LAMA2: variants seen among roughly 807,000 people sequenced by gnomAD.
LAMA2 encodes laminin subunit alpha 2, also known as laminin subunit alpha-2.
A neutral mutation model predicts 364.8 loss-of-function variants in LAMA2; 269 were observed. That is an observed-to-expected ratio of 0.74 (90% CI 0.67 to 0.82). The LOEUF (loss-of-function observed/expected upper bound fraction) is 0.82, where lower values mean the gene tolerates loss of function less well. Ranked by LOEUF, LAMA2 falls within the 40% of genes least tolerant of loss-of-function variation. The pLI is 0.00. For synonymous variants in LAMA2, 1,379 were observed against 1,370.6 expected, an observed-to-expected ratio of 1.01 and a Z score of -0.14; for missense variants, 3,807 against 3,873.2, an observed-to-expected ratio of 0.98 and a Z score of 0.45.
chr6:129,080,630 A>G (rs1452686059), intron 3 of LAMA2, among the ~76,000 whole-genome samples: 1 of 152,214 alleles, frequency 6.6e-6, no homozygotes. Context: ...CAGCCAACAG[A>G]CACATGAAAA....
At chr6:129,310,100 C>T (rs1321698057) in intron 22 of LAMA2, among the ~76,000 whole-genome samples, 4 of 151,654 alleles carry the variant, frequency 2.6e-5, no homozygotes, top group Non-Finnish European at 4.4e-5. Context: ...GGGGTTTCAC[C>T]GTGTTAGCCA....
At chr6:129,396,526 T>G (rs1372157051) in intron 37 of LAMA2, among the ~76,000 whole-genome samples, 1 of 152,124 alleles carries the variant, frequency 6.6e-6, no homozygotes, top group East Asian at 1.9e-4. Flanking sequence ...GGCTCTGGAA[T>G]TTGGAGCCAG....
intron 3 of LAMA2, among the ~76,000 whole-genome samples, chr6:129,097,564 C>T (rs887283102): frequency 1.3e-5 from 2 of 152,074 alleles, no homozygotes; most frequent in East Asian, 1.9e-4. Flanking sequence ...AGGTTCAATC[C>T]GTTGTCTTCA....
At chr6:129,349,573 C>T (rs1036492109) in intron 31 of LAMA2, among the ~76,000 whole-genome samples, 189 bp downstream of exon 31, 4 of 151,736 alleles carry the variant, frequency 2.6e-5, no homozygotes, top group Non-Finnish European at 5.9e-5. Flanking sequence ...TTATTTCCAC[C>T]GTATGTTTAG....
intron 11 of LAMA2, 79 bp from the exon 12 acceptor site, chr6:129,192,601 C>T: frequency 7.2e-7 from 1 of 1,382,436 alleles, no homozygotes; most frequent in Non-Finnish European, 1.0e-6. Flanking sequence ...CAAAAGTGGA[C>T]ACGACCAGGA....
intron 32 of LAMA2, among the ~76,000 whole-genome samples, chr6:129,365,626 G>A (rs1261223471): frequency 2.0e-5 from 3 of 150,188 alleles, no homozygotes; most frequent in Admixed American, 1.3e-4. Context: ...GCCTCTCAAA[G>A]TGTTGGGATT....
intron 49 of LAMA2, among the ~76,000 whole-genome samples, chr6:129,460,846 C>G (rs9791341): frequency 1.3e-5 from 2 of 151,542 alleles, no homozygotes; most frequent in Admixed American, 6.6e-5. Flanking sequence ...AACTGGAAAC[C>G]TATGGGATTT....
At chr6:129,214,132 GGA>G (rs1471347712) in intron 12 of LAMA2, among the ~76,000 whole-genome samples, 3 of 152,150 alleles carry the variant, frequency 2.0e-5, no homozygotes, top group Non-Finnish European at 1.5e-5. Flanking sequence ...AATTTATAAA[GGA>G]GAGAGTTCTA....
intron 32 of LAMA2, among the ~76,000 whole-genome samples, chr6:129,361,661 A>G (rs908321459): frequency 7.2e-5 from 11 of 152,238 alleles, no homozygotes; most frequent in African/African-American, 1.9e-4. Flanking sequence ...GCAAATTTCA[A>G]TATGTTGCTC....
intron 1 of LAMA2, among the ~76,000 whole-genome samples, chr6:128,941,362 A>G (rs139955435): frequency 1.3e-5 from 2 of 152,322 alleles, no homozygotes; most frequent in African/African-American, 4.8e-5. Flanking sequence ...AAAGGAAAAT[A>G]CATAATCAAA....
At chr6:128,943,567 A>G (rs1350209372) in intron 1 of LAMA2, among the ~76,000 whole-genome samples, 2 of 152,098 alleles carry the variant, frequency 1.3e-5, no homozygotes, top group African/African-American at 2.4e-5. Context: ...TGCTGAAATT[A>G]TAGGCGTAAG....
intron 1 of LAMA2, among the ~76,000 whole-genome samples, chr6:128,981,220 C>T (rs1782843492): frequency 6.6e-6 from 1 of 152,112 alleles, no homozygotes; most frequent in Non-Finnish European, 1.5e-5. Context: ...AATGATTTCT[C>T]GACTATCCTA....
intron 1 of LAMA2, among the ~76,000 whole-genome samples, chr6:129,027,445 T>A (rs2114726724): frequency 6.6e-6 from 1 of 152,130 alleles, no homozygotes; most frequent in East Asian, 1.9e-4. Context: ...GAAACTGTGT[T>A]TGATAAGAAC....
chr6:129,103,621 C>T (rs962877456), intron 4 of LAMA2, among the ~76,000 whole-genome samples: 6 of 152,020 alleles, frequency 3.9e-5, no homozygotes. Flanking sequence ...GACTATTATT[C>T]AGTTTGGGTT....
At chr6:129,372,874 G>T (rs1270082908) in intron 34 of LAMA2, among the ~76,000 whole-genome samples, 2 of 152,030 alleles carry the variant, frequency 1.3e-5, no homozygotes, top group African/African-American at 4.8e-5. Flanking sequence ...TCTTGTTTTA[G>T]TTTGCAATTC....
intron 1 of LAMA2, among the ~76,000 whole-genome samples, chr6:128,997,079 G>C (rs1192225902): frequency 2.0e-5 from 3 of 147,886 alleles, no homozygotes; most frequent in Non-Finnish European, 3.0e-5. Context: ...TGAACAGTGA[G>C]AACATATGGA....
chr6:129,437,697 C>T (rs1255140043), intron 41 of LAMA2, among the ~76,000 whole-genome samples: 1 of 151,814 alleles, frequency 6.6e-6, no homozygotes, highest in Non-Finnish European at 1.5e-5. Flanking sequence ...TTTGTTTTTT[C>T]AATTTGAATT....
At chr6:129,265,903 T>A (rs1787479756) in intron 15 of LAMA2, among the ~76,000 whole-genome samples, 1 of 152,118 alleles carries the variant, frequency 6.6e-6, no homozygotes, top group Non-Finnish European at 1.5e-5. Context: ...TTTTTGGTAC[T>A]GTTCAAATTA....
At position 129,371,038 on chromosome 6, in the gene LAMA2, A is replaced by G. The variant is rs1048710978; in HGVS notation, c.4959+1048A>G. Among the ~76,000 whole-genome samples the G allele has an allele frequency of 3.4e-4, 52 of 152,232 alleles. 1 individual carries two copies. Among genetic ancestry groups the G allele is most frequent in the Non-Finnish European group, 1.6e-4 (11 of 68,046 alleles). ...GGAGTTTCTTGCCAAATGTATGTAG[A>G]CATTAGATTAAATTGAGTGCATTTA... On this transcript the variant is annotated intron_variant, in intron 34 of 64. Transcript: ENST00000421865.
Sources: allele counts gnomAD v4.1 joint callset (sites outside exome capture counted in the v4.1 genomes callset), GRCh38; gene constraint gnomAD v4.1.1; transcripts MANE v1.5; gene names NCBI Gene and HGNC (gene_info 2026-07-23, HGNC 2026-07-21).